CASP8: variants seen among roughly 807,000 people sequenced by gnomAD.
The protein encoded by CASP8 is caspase 8, also known as caspase-8.
In CASP8, 24 loss-of-function variants were observed where a neutral mutation model predicts 46.3. The observed-to-expected ratio is 0.52, with a 90% CI of 0.38 to 0.73. The LOEUF (loss-of-function observed/expected upper bound fraction) is 0.73, where lower values mean the gene tolerates loss of function less well. CASP8 is among the 30% of genes least tolerant of loss of function. CASP8 has a pLI of 0.00. For synonymous variants in CASP8, 188 were observed against 200.4 expected (o/e 0.94, Z 0.52); for missense variants, 460 against 559.0 (o/e 0.82, Z 1.79).
At chr2:201,255,066 T>C (rs10931934) in intron 2 of CASP8, among the ~76,000 whole-genome samples, 68,164 of 152,092 alleles carry the variant, frequency 0.45, 17,540 homozygotes, top group Non-Finnish European at 0.59. Flanking sequence ...CAACCTGAGG[T>C]TTATAATTCA....
chr2:201,276,800 C>T (rs768668136), intron 6 of CASP8, 27 bp from the exon 7 acceptor site: 14 of 1,613,784 alleles, frequency 8.7e-6, no homozygotes, highest in Non-Finnish European at 1.2e-5. Context: ...ACAGAGTCAG[C>T]TCCTGGGTTG....
rs1442928565 is a variant in CASP8 at position 201,250,160 on chromosome 2, G to A, written c.-27+16048G>A. On this transcript the variant is annotated intron_variant, in intron 2 of 6. Transcript: ENST00000264274. ...CGTTTGTTTAGTTAGATTCCTCTCTGTGTCCCTTTGTCTTCACAGATACCA... is the reference window on the plus strand; with the variant it reads ...CGTTTGTTTAGTTAGATTCCTCTCTATGTCCCTTTGTCTTCACAGATACCA... Among the ~76,000 whole-genome samples, 9 of 152,214 alleles carry A rather than the reference G, an allele frequency of 5.9e-5. No homozygotes were observed. In the South Asian group the frequency reaches 1.0e-3, roughly 17 times the overall value.
rs1316329073 is a variant in CASP8, at chr2:201,266,841, A to C, written c.305+50A>C. ...ACTGGGAGGTGTGGGTTGAATGGAC[A>C]GCCTCTGAGCTGATTGGGGCTTTTT... On this transcript the variant is annotated intron_variant, in intron 2 of 8. Transcript: ENST00000673742. The surrounding 1 kb of genome is among the most constrained non-coding windows in gnomAD (Gnocchi z 5.7). The C allele has an allele frequency of 6.3e-6, 9 of 1,432,960 alleles. No homozygotes were observed. The highest frequency in any genetic ancestry group is 8.7e-6 in the Non-Finnish European group (9 of 1,036,254). The allele number at this position is 1,432,960 out of a possible 1,614,324, so 88.8% of individuals were successfully genotyped here. A position where few individuals can be genotyped will look rare whatever the true frequency, so the allele number is the denominator to read the frequency against.
rs2125483388 is a variant in CASP8 at position 201,285,038 on chromosome 2, G to C, written c.1025G>C (p.Gly342Ala). 6.2e-7 allele frequency: 1 copy of C among 1,614,206 alleles called. No homozygotes were observed. The highest frequency in any genetic ancestry group is 8.5e-7 in the Non-Finnish European group (1 of 1,180,034). ...PIYELTSQFT[G>A]LKCPSLAGKP... ...TATGAGCTGACATCTCAGTTCACTG[G>C]TTTGAAGTGCCCTTCCCTTGCTGGA... The change falls in exon 8 of 9, where the codon GGT becomes GCT. Residue 342 changes from glycine (G) to alanine (A), a missense_variant. Physicochemically the swap from Gly to Ala is moderately conservative, Grantham distance 60. Transcript: ENST00000673742.
chr2:201,273,701 G>A (rs1948446300), intron 5 of CASP8, among the ~76,000 whole-genome samples: 1 of 149,262 alleles, frequency 6.7e-6, no homozygotes, highest in Admixed American at 6.7e-5. Context: ...TTGAGACAGT[G>A]TCTCACTTTG....
At chr2:201,248,690 C>T (rs1201821277) in intron 2 of CASP8, among the ~76,000 whole-genome samples, 3 of 152,144 alleles carry the variant, frequency 2.0e-5, no homozygotes, top group Non-Finnish European at 4.4e-5. Context: ...AGATTGCTCT[C>T]TATCATAGCA....
At chr2:201,253,272 A>T (rs1050394767) in intron 2 of CASP8, among the ~76,000 whole-genome samples, 2 of 130,850 alleles carry the variant, frequency 1.5e-5, no homozygotes, top group Non-Finnish European at 3.2e-5. Flanking sequence ...TATAAATGTG[A>T]GCCACTGCAC....
Position 201,274,949 on chromosome 2 carries a change from C to T in CASP8, c.656C>T (p.Ser219Leu). The T allele has an allele frequency of 6.2e-7, 1 of 1,607,192 alleles. No individual in the cohort carries two copies. Among genetic ancestry groups the T allele is most frequent in the Non-Finnish European group, 8.5e-7 (1 of 1,174,134 alleles). Residue 219 changes from serine (S) to leucine (L), a missense_variant, in exon 6 of 9, where the codon TCA becomes TTA. Ser to Leu is a moderately radical substitution (Grantham distance 145). Transcript: ENST00000673742. The part of the protein sequence containing the change: ...SDSPREQDSE[S>L]QTLDKVYQMK... ...TCTCCAAGAGAACAGGATAGTGAAT[C>T]ACAGGTAGACGGAAACCTCCAAATC...
At chr2:201,267,188 A>G (rs1947882874) in intron 2 of CASP8, among the ~76,000 whole-genome samples, 1 of 152,204 alleles carries the variant, frequency 6.6e-6, no homozygotes, top group Non-Finnish European at 1.5e-5. Context: ...AAGTTATAAT[A>G]GAGTTTTTCT....
At chr2:201,258,464 G>A (rs1450551093), upstream of CASP8, 4 of 1,549,490 alleles carry the variant, frequency 2.6e-6, no homozygotes, top group South Asian at 1.1e-5. Context: ...AAACAGGGCT[G>A]TGGGGGTGGG....
At chr2:201,251,033 T>C (rs1946754282) in intron 2 of CASP8, among the ~76,000 whole-genome samples, 1 of 152,186 alleles carries the variant, frequency 6.6e-6, no homozygotes, top group African/African-American at 2.4e-5. Flanking sequence ...ATTGCCTTCT[T>C]TCACATAGTA....
At chr2:201,286,363 A>G in intron 8 of CASP8, 96 bp from the exon 9 acceptor site, 1 of 1,456,138 alleles carries the variant, frequency 6.9e-7, no homozygotes, top group Non-Finnish European at 9.5e-7. Context: ...ATTTTGAGAG[A>G]AAGAACTACA....
At chr2:201,255,165 C>T (rs1235072411) in intron 2 of CASP8, among the ~76,000 whole-genome samples, 1 of 152,180 alleles carries the variant, frequency 6.6e-6, no homozygotes, top group Non-Finnish European at 1.5e-5. Context: ...CTCACTGCAA[C>T]CTCCGCCTCC....
intron 2 of CASP8, among the ~76,000 whole-genome samples, chr2:201,243,857 G>A (rs577036124): frequency 2.6e-5 from 4 of 152,286 alleles, no homozygotes; most frequent in African/African-American, 7.2e-5. Flanking sequence ...GACCTGCCAC[G>A]CATGGATTAT....
In CASP8 at chr2:201,286,767, C is replaced by T; in HGVS notation, c.*173C>T. 1.8e-6 allele frequency: 1 copy of T among 556,150 alleles called. No homozygotes were observed. Among genetic ancestry groups the T allele is most frequent in the Non-Finnish European group, 3.2e-6 (1 of 309,174 alleles). 34.5% of individuals were successfully genotyped at this position (556,150 alleles called of 1,614,324 possible). ...AGTAGCTGGGACTACAGGGGCCCGC[C>T]ACCACACCTGGCTAATTTTTTAAAA... On this transcript the variant is annotated 3_prime_UTR_variant, in exon 9 of 9. Transcript: ENST00000673742.
chr2:201,267,995 C>T (rs189888233), intron 2 of CASP8, among the ~76,000 whole-genome samples: 2 of 152,270 alleles, frequency 1.3e-5, no homozygotes, highest in East Asian at 3.9e-4. Context: ...GGCATGATCT[C>T]GGCTCACTGC....
At chr2:201,281,208 G>C (rs1948980497) in intron 7 of CASP8, among the ~76,000 whole-genome samples, 1 of 152,086 alleles carries the variant, frequency 6.6e-6, no homozygotes, top group South Asian at 2.1e-4. Context: ...CACCTGCTTG[G>C]GAGGCTGAGG....
chr2:201,267,100 A>G (rs1028606457), intron 2 of CASP8, among the ~76,000 whole-genome samples: 10 of 152,152 alleles, frequency 6.6e-5, no homozygotes, highest in African/African-American at 2.2e-4. Context: ...GGGGCCTTAT[A>G]TATAATTCTA....
At chr2:201,274,278 G>C (rs533717640) in intron 5 of CASP8, among the ~76,000 whole-genome samples, 1 of 152,112 alleles carries the variant, frequency 6.6e-6, no homozygotes, top group African/African-American at 2.4e-5. Context: ...TTATTAATGA[G>C]TATCTCACAA....
Sources: allele counts gnomAD v4.1 joint callset (sites outside exome capture counted in the v4.1 genomes callset), GRCh38; gene constraint gnomAD v4.1.1; non-coding constraint Gnocchi (gnomAD v3.1); transcripts MANE v1.5; gene names NCBI Gene and HGNC (gene_info 2026-07-23, HGNC 2026-07-21).